Variants in GLT8D2 observed in about 807,000 individuals in gnomAD.
GLT8D2 encodes glycosyltransferase 8 domain-containing protein 2.
GLT8D2 carries 45 observed loss-of-function variants against 44.5 expected under a neutral mutation model. That is an observed-to-expected ratio of 1.01 (90% CI 0.80 to 1.30). The LOEUF (loss-of-function observed/expected upper bound fraction) is 1.30. Ranked by LOEUF, GLT8D2 falls within the 50% of genes most tolerant of loss-of-function variation. The probability of loss-of-function intolerance (pLI) is 0.00; values close to 1 mark genes in which losing one functional copy is unlikely to be tolerated. For synonymous variants in GLT8D2, 156 were observed against 157.2 expected, an observed-to-expected ratio of 0.99 and a Z score of 0.06; for missense variants, 400 against 430.4, an observed-to-expected ratio of 0.93 and a Z score of 0.62.
chr12:104,003,264 G>C lies in GLT8D2; in HGVS notation c.155C>G (p.Pro52Arg), dbSNP rs958069387. Residue 52 changes from proline to arginine, a missense_variant, in exon 5 of 11, where the codon CCT becomes CGT. Physicochemically the swap from Pro to Arg is moderately radical, Grantham distance 103. Coordinates refer to ENST00000360814, the MANE Select transcript of GLT8D2 (RefSeq NM_001384711.1). ...CCCTGCTGCAGCACAAATCACCACA[G>C]GAATCTCTTCTTCCAGTTCTTCAGG... ...ETPEELEEEI[P>R]VVICAAAGRM... 7 of 1,613,952 alleles carry C rather than the reference G, an allele frequency of 4.3e-6. No homozygotes were observed. The African/African-American group carries it at 9.3e-5, about 22-fold the overall frequency.
intron 1 of GLT8D2, among the ~76,000 whole-genome samples, chr12:104,027,718 A>G (rs1356204202): frequency 6.6e-6 from 1 of 152,198 alleles, no homozygotes; most frequent in East Asian, 1.9e-4. Flanking sequence ...ATGTATTACT[A>G]TCTCCATTTT....
intron 8 of GLT8D2, among the ~76,000 whole-genome samples, chr12:103,994,927 C>T (rs1873221142): frequency 6.6e-6 from 1 of 152,174 alleles, no homozygotes; most frequent in Non-Finnish European, 1.5e-5. Flanking sequence ...CTGCACCTGC[C>T]CCACCTCAGT....
At chr12:104,010,790 T>C (rs541465026) in intron 4 of GLT8D2, among the ~76,000 whole-genome samples, 2 of 152,314 alleles carry the variant, frequency 1.3e-5, no homozygotes, top group East Asian at 1.9e-4. Flanking sequence ...ACTTTGGAAG[T>C]GCTTAATGAA....
chr12:104,059,619 C>G (rs1210753140), intron 1 of GLT8D2, among the ~76,000 whole-genome samples: 1 of 152,120 alleles, frequency 6.6e-6, no homozygotes, highest in Non-Finnish European at 1.5e-5. Context: ...TGGTCATGTG[C>G]CCAGCTCAGA....
chr12:104,004,097 T>C (rs547555732), intron 4 of GLT8D2, among the ~76,000 whole-genome samples: 147 of 152,114 alleles, frequency 9.7e-4, no homozygotes, highest in Non-Finnish European at 1.7e-3. Flanking sequence ...ATAAATGTAA[T>C]CCAGCATATA....
At chr12:104,037,590 AC>A (rs1236302102) in intron 1 of GLT8D2, among the ~76,000 whole-genome samples, 1 of 152,216 alleles carries the variant, frequency 6.6e-6, no homozygotes, top group African/African-American at 2.4e-5. Context: ...CCAAGACTAT[AC>A]CAGGAAGAAG....
chr12:104,063,983 T>A (rs1037783421), exon 1 of GLT8D2: 4 of 152,324 alleles, frequency 2.6e-5, no homozygotes, highest in African/African-American at 7.2e-5. Flanking sequence ...CTTCCTGGCA[T>A]GGCTCCGCAC....
At chr12:104,023,843 T>C (rs1395116309) in intron 1 of GLT8D2, among the ~76,000 whole-genome samples, 1 of 152,234 alleles carries the variant, frequency 6.6e-6, no homozygotes, top group African/African-American at 2.4e-5. Flanking sequence ...TTGAGATTCA[T>C]ACTAGCTATT....
At chr12:104,019,551 A>G in intron 3 of GLT8D2, 79 bp downstream of exon 3, 1 of 1,144,040 alleles carries the variant, frequency 8.7e-7, no homozygotes, top group African/African-American at 1.6e-5. Context: ...AAGAAAGAAG[A>G]AAAGAGCCAA....
At chr12:104,040,618 G>T (rs1283250490) in intron 1 of GLT8D2, among the ~76,000 whole-genome samples, 1 of 151,950 alleles carries the variant, frequency 6.6e-6, no homozygotes, top group East Asian at 2.0e-4. Flanking sequence ...TAGAGATGGG[G>T]TTTCAGCATC....
At chr12:104,003,499 A>C (rs1350701911) in intron 4 of GLT8D2, among the ~76,000 whole-genome samples, 193 bp from the exon 5 acceptor site, 9 of 151,660 alleles carry the variant, frequency 5.9e-5, no homozygotes, top group Non-Finnish European at 1.3e-4. Flanking sequence ...GCCAACCACA[A>C]AGACTATTTT....
At chr12:104,030,877 G>A (rs1391199414) in intron 1 of GLT8D2, 5 of 1,563,442 alleles carry the variant, frequency 3.2e-6, no homozygotes, top group African/African-American at 2.8e-5. Context: ...TGAGCCCGGC[G>A]GGCCACGAGG....
At chr12:104,016,882 GAAAAAT>G (rs1566199969) in intron 3 of GLT8D2, among the ~76,000 whole-genome samples, 2,466 of 140,248 alleles carry the variant, frequency 0.018, 65 homozygotes, top group African/African-American at 0.023. Flanking sequence ...AAGAAAGAAA[GAAAAAT>G]AAAGAGAGAA....
chr12:103,990,668 T>C (rs1872643189), intron 10 of GLT8D2, among the ~76,000 whole-genome samples: 2 of 152,226 alleles, frequency 1.3e-5, no homozygotes, highest in Non-Finnish European at 2.9e-5. Flanking sequence ...CAACACAACC[T>C]GGCTTCTGTT....
chr12:103,996,275 G>A (rs1235150494), intron 8 of GLT8D2, among the ~76,000 whole-genome samples: 2 of 152,126 alleles, frequency 1.3e-5, no homozygotes, highest in South Asian at 4.1e-4. Flanking sequence ...TCTTCTACTG[G>A]AAGGGGGATA....
intron 10 of GLT8D2, 62 bp downstream of exon 10, chr12:103,993,330 C>A: frequency 7.6e-7 from 1 of 1,323,858 alleles, no homozygotes; most frequent in East Asian, 2.3e-5. Flanking sequence ...GACTCTGTCT[C>A]AAAAATACAA....
intron 1 of GLT8D2, chr12:104,030,887 G>C: frequency 6.4e-7 from 1 of 1,556,946 alleles, no homozygotes; most frequent in South Asian, 1.1e-5. Flanking sequence ...GGGCCACGAG[G>C]AGGCGAAGCG....
intron 8 of GLT8D2, among the ~76,000 whole-genome samples, chr12:103,995,740 C>A (rs12369231): frequency 0.29 from 44,391 of 152,108 alleles, 7,357 homozygotes; most frequent in Non-Finnish European, 0.36. Flanking sequence ...GCAGGACATA[C>A]ACATTCTTTC....
rs141976649 is a variant in GLT8D2, at chr12:104,023,917, A to C, written c.-163-2426T>G. On this transcript the variant is annotated intron_variant, in intron 1 of 10. Transcript: ENST00000360814. Reference sequence around the variant, plus strand: ...GTATTCCGTTGAATGGATATACCACAGTTTATCCATTCACCCACTGAAGGA... The same window carrying C: ...GTATTCCGTTGAATGGATATACCACCGTTTATCCATTCACCCACTGAAGGA... 5.1e-3 allele frequency among the ~76,000 whole-genome samples: 770 copies of C among 152,312 alleles called. 4 individuals carry two copies. Among genetic ancestry groups the C allele is most frequent in the African/African-American group, 0.017 (724 of 41,556 alleles).
Sources: gnomAD v4.1 joint callset for allele counts (sites outside exome capture counted in the v4.1 genomes callset) on GRCh38, gnomAD v4.1.1 for gene constraint, MANE v1.5 for transcripts, NCBI Gene and HGNC (gene_info 2026-07-23, HGNC 2026-07-21) for gene names.